EML1: variants seen among roughly 807,000 people sequenced by gnomAD.
The protein encoded by EML1 is EMAP like 1.
EML1 carries 27 observed loss-of-function variants against 110.4 expected under a neutral mutation model. That is an observed-to-expected ratio of 0.24 (90% CI 0.18 to 0.34). The LOEUF is 0.34. Among genes scored for constraint, EML1 ranks in the 10% least tolerant of loss-of-function variants. EML1 has a pLI of 1.00. For synonymous variants in EML1, 344 were observed against 385.8 expected, an observed-to-expected ratio of 0.89 and a Z score of 1.27; for missense variants, 741 against 1,030.9, an observed-to-expected ratio of 0.72 and a Z score of 3.85.
At chr14:99,806,757 A>G (rs1171003377) in intron 1 of EML1, among the ~76,000 whole-genome samples, 1 of 152,152 alleles carries the variant, frequency 6.6e-6, no homozygotes, top group Non-Finnish European at 1.5e-5. Context: ...GCACAGCAAC[A>G]CTGGCTGCTC....
intron 16 of EML1, among the ~76,000 whole-genome samples, chr14:99,919,462 A>ACACACACACACACACC (rs2060094338): frequency 6.8e-6 from 1 of 147,672 alleles, no homozygotes; most frequent in Non-Finnish European, 1.5e-5. Flanking sequence ...ACACACACAC[A>ACACACACACACACACC]CTCCACCTCC....
chr14:99,865,294 A>G (rs1255249115), intron 2 of EML1, among the ~76,000 whole-genome samples: 1 of 152,168 alleles, frequency 6.6e-6, no homozygotes, highest in Non-Finnish European at 1.5e-5. Context: ...TTGCACTCCT[A>G]TGAGAATCTA....
intron 1 of EML1, among the ~76,000 whole-genome samples, chr14:99,837,837 TC>T (rs1215308294): frequency 6.6e-6 from 1 of 152,148 alleles, no homozygotes; most frequent in African/African-American, 2.4e-5. Flanking sequence ...GCTTACTCTG[TC>T]CCCCAGGCTG....
intron 5 of EML1, among the ~76,000 whole-genome samples, chr14:99,893,191 G>C (rs1216247029): frequency 2.0e-5 from 3 of 152,148 alleles, no homozygotes; most frequent in African/African-American, 7.2e-5. Flanking sequence ...AGCCTGGCAG[G>C]GCATTTAGAC....
chr14:99,899,684 TA>T lies in EML1; in HGVS notation c.898-1242del, dbSNP rs2059728483. ...GGAAATCAGACCACTATTATGTAAATAAATTTACTTAAATTGAATGGGTCTT... is the reference window on the plus strand; with the variant it reads ...GGAAATCAGACCACTATTATGTAAATAATTTACTTAAATTGAATGGGTCTT... On this transcript the variant is annotated intron_variant, in intron 8 of 21. Transcript: ENST00000262233. Among the ~76,000 whole-genome samples the T allele has an allele frequency of 2.0e-5, 3 of 150,534 alleles. No individual in the cohort carries two copies. The Admixed American group carries it at 2.0e-4, about 10-fold the overall frequency.
At chr14:99,754,966 A>G (rs1423639403) in intron 1 of EML1, among the ~76,000 whole-genome samples, 1 of 152,250 alleles carries the variant, frequency 6.6e-6, no homozygotes, top group Admixed American at 6.5e-5. Flanking sequence ...GAAAAGCTGT[A>G]AACCTAACCA....
Position 99,936,343 on chromosome 14 carries a change from C to T in EML1, c.2095+9C>T, listed in dbSNP as rs1238079026. 1.2e-6 allele frequency: 2 copies of T among 1,611,486 alleles called. No homozygotes were observed. Among genetic ancestry groups the T allele is most frequent in the African/African-American group, 2.7e-5 (2 of 74,820 alleles). On this transcript the variant is annotated intron_variant, in intron 19 of 21. Coordinates refer to ENST00000262233, the MANE Select transcript of EML1 (RefSeq NM_004434.3). The surrounding 1 kb of genome is among the most constrained non-coding windows in gnomAD (Gnocchi z 5.5). ...CTACGAAATCCTCTACTGTGAGTAC[C>T]ACCCCGGGGTTGTATGAAGTCTCGA...
intron 1 of EML1, 120 bp downstream of exon 1, chr14:99,793,663 A>AGTT: frequency 3.8e-6 from 3 of 784,594 alleles, no homozygotes; most frequent in Non-Finnish European, 4.6e-6. Flanking sequence ...GGCCGCGCAA[A>AGTT]GTTGTTGCGG....
At chr14:99,780,377 A>G (rs2140214207) in intron 1 of EML1, among the ~76,000 whole-genome samples, 1 of 152,206 alleles carries the variant, frequency 6.6e-6, no homozygotes, top group East Asian at 1.9e-4. Context: ...GTGGGGAAGT[A>G]GGTTGCTGGT....
At chr14:99,862,774 G>A (rs1488581094) in intron 2 of EML1, among the ~76,000 whole-genome samples, 4 of 152,040 alleles carry the variant, frequency 2.6e-5, no homozygotes, top group Non-Finnish European at 4.4e-5. Context: ...CCAGATTCAT[G>A]TGCTCCCTGC....
intron 2 of EML1, among the ~76,000 whole-genome samples, chr14:99,852,099 T>C (rs1182741618): frequency 1.3e-5 from 2 of 152,202 alleles, no homozygotes; most frequent in Non-Finnish European, 2.9e-5. Context: ...TAGAAGATAA[T>C]GGAATTAGAC....
intron 1 of EML1, among the ~76,000 whole-genome samples, chr14:99,841,778 A>G (rs1018598946): frequency 8.5e-5 from 13 of 152,132 alleles, no homozygotes; most frequent in African/African-American, 3.1e-4. Flanking sequence ...CCCTGTGCCC[A>G]TAGAGTCAGC....
rs199917254 is a variant in EML1 at position 99,897,096 on chromosome 14, T to C, written c.678-49T>C. The C allele has an allele frequency of 4.9e-5, 71 of 1,451,140 alleles. No individual in the cohort carries two copies. The African/African-American group carries it at 9.5e-4, about 19-fold the overall frequency. 89.9% of individuals were successfully genotyped at this position (1,451,140 alleles called of 1,614,324 possible). ...TGTGCCTGTTGAATAAAGCTGATGT[T>C]TTGTCAGCTCTTAAAGGGAAAAAAA... On this transcript the variant is annotated intron_variant, in intron 6 of 21. Transcript: ENST00000262233.
chr14:99,740,841 C>A (rs1177836834), intron 1 of EML1, among the ~76,000 whole-genome samples: 2 of 151,872 alleles, frequency 1.3e-5, no homozygotes, highest in Admixed American at 6.6e-5. Context: ...ATAGATGGGG[C>A]CTCAGAAGAT....
chr14:99,770,578 T>A (rs1477577487), upstream of EML1, among the ~76,000 whole-genome samples: 1 of 152,048 alleles, frequency 6.6e-6, no homozygotes, highest in Non-Finnish European at 1.5e-5. Flanking sequence ...AAATGTTCAG[T>A]CCATAGTATC....
intron 1 of EML1, among the ~76,000 whole-genome samples, chr14:99,831,428 T>C (rs1338337709): frequency 2.0e-5 from 3 of 152,144 alleles, no homozygotes; most frequent in South Asian, 4.1e-4. Context: ...TTGGGCCCAC[T>C]GGCATCACTC....
chr14:99,834,915 C>T (rs1317990645), intron 1 of EML1, among the ~76,000 whole-genome samples: 1 of 152,036 alleles, frequency 6.6e-6, no homozygotes, highest in Non-Finnish European at 1.5e-5. Flanking sequence ...TATCTCCCGG[C>T]TTCAAGCAAT....
chr14:99,849,378 G>T (rs911998987), intron 1 of EML1, among the ~76,000 whole-genome samples: 27 of 151,860 alleles, frequency 1.8e-4, no homozygotes, highest in African/African-American at 6.5e-4. Flanking sequence ...TTTTTCTCTT[G>T]CTGCTTTTGG....
intron 3 of EML1, 39 bp from the exon 4 acceptor site, chr14:99,878,446 A>G (rs779731351): frequency 2.5e-6 from 4 of 1,581,490 alleles, no homozygotes; most frequent in South Asian, 2.3e-5. Flanking sequence ...TAAAGTCACG[A>G]TATTAAGGAG....
Sources: allele counts gnomAD v4.1 joint callset (sites outside exome capture counted in the v4.1 genomes callset), GRCh38; gene constraint gnomAD v4.1.1; non-coding constraint Gnocchi (gnomAD v3.1); transcripts MANE v1.5; gene names NCBI Gene and HGNC (gene_info 2026-07-23, HGNC 2026-07-21).